Variants in ARHGEF4 observed in about 807,000 individuals in gnomAD.
ARHGEF4 encodes APC-stimulated guanine nucleotide exchange factor 1.
In ARHGEF4, 119 loss-of-function variants were observed where a neutral mutation model predicts 162.0. The observed-to-expected ratio is 0.73, with a 90% CI of 0.63 to 0.86. The LOEUF (loss-of-function observed/expected upper bound fraction) is 0.86, where lower values mean the gene tolerates loss of function less well. Among genes scored for constraint, ARHGEF4 ranks in the 40% least tolerant of loss-of-function variants. The probability of loss-of-function intolerance (pLI) is 0.00; values close to 1 mark genes in which losing one functional copy is unlikely to be tolerated. For missense variants in ARHGEF4, 2,488 were observed against 2,456.0 expected (o/e 1.01, Z -0.28); for synonymous variants, 1,014 against 979.9 (o/e 1.03, Z -0.65).
chr2:130,848,512 G>A (rs1681159964), intron 1 of ARHGEF4, among the ~76,000 whole-genome samples: 1 of 152,158 alleles, frequency 6.6e-6, no homozygotes, highest in Admixed American at 6.5e-5. Context: ...ACTGGCACTG[G>A]AAGCCCTCCC....
At position 130,914,986 on chromosome 2, in the gene ARHGEF4, G is replaced by A. The variant is rs1349451853; in HGVS notation, c.1040G>A (p.Cys347Tyr). The change falls in exon 2 of 14, where the codon TGC becomes TAC. Residue 347 changes from cysteine (C) to tyrosine (Y), a missense_variant. By Grantham distance (194) the Cys-to-Tyr change is radical. Around this residue, in one of 6 missense-constraint regions of ARHGEF4, gnomAD observed 1,642 missense variants for 1,481.5 expected, o/e 1.11. Transcript: ENST00000409359. ...TCCATAGCAGGGTTTTCACCAGAGT[G>A]CCCCGAGGATCCCGTGGGACAGAAT... ...AHSIAGFSPE[C>Y]PEDPVGQNVV... is the part of the protein sequence containing the mutation. 1.3e-6 allele frequency: 2 copies of A among 1,550,488 alleles called. No individual in the cohort carries two copies. The highest frequency in any genetic ancestry group is 2.7e-5 in the African/African-American group (2 of 73,052).
intron 3 of ARHGEF4, among the ~76,000 whole-genome samples, chr2:130,940,509 A>T (rs936862452): frequency 4.0e-5 from 6 of 151,454 alleles, no homozygotes; most frequent in Non-Finnish European, 8.8e-5. Flanking sequence ...GTTAGCCAGG[A>T]TGGTCTCGAT....
intron 4 of ARHGEF4, among the ~76,000 whole-genome samples, chr2:131,016,365 T>G (rs1340848107): frequency 6.6e-6 from 1 of 152,210 alleles, no homozygotes; most frequent in Non-Finnish European, 1.5e-5. Flanking sequence ...ATAAATACAT[T>G]TGAGTGAATT....
chr2:130,991,876 C>T (rs1481216959), intron 4 of ARHGEF4, among the ~76,000 whole-genome samples: 1 of 152,248 alleles, frequency 6.6e-6, no homozygotes, highest in East Asian at 1.9e-4. Context: ...AGCCCCGGTG[C>T]GGGATCCACT....
At chr2:130,993,572 G>A (rs1687190670) in intron 4 of ARHGEF4, among the ~76,000 whole-genome samples, 1 of 151,686 alleles carries the variant, frequency 6.6e-6, no homozygotes, top group African/African-American at 2.4e-5. Flanking sequence ...TTTTCTATTT[G>A]CTTTATGTAT....
At chr2:130,937,526 T>C (rs1388931738) in intron 3 of ARHGEF4, among the ~76,000 whole-genome samples, 1 of 152,196 alleles carries the variant, frequency 6.6e-6, no homozygotes, top group Admixed American at 6.6e-5. Flanking sequence ...GGTTTTTGTT[T>C]CACTTAGCTC....
chr2:130,946,456 A>C, intron 3 of ARHGEF4, 53 bp from the exon 4 acceptor site: 1 of 1,565,472 alleles, frequency 6.4e-7, no homozygotes, highest in South Asian at 1.2e-5. Flanking sequence ...TGGCAATGAC[A>C]GCCTGTCATT....
chr2:130,936,631 A>G (rs538888356), intron 3 of ARHGEF4, among the ~76,000 whole-genome samples: 1 of 152,188 alleles, frequency 6.6e-6, no homozygotes, highest in South Asian at 2.1e-4. Flanking sequence ...GTTTCTGAGG[A>G]GAAATCAGCT....
intron 1 of ARHGEF4, among the ~76,000 whole-genome samples, chr2:130,846,875 G>A (rs115593495): frequency 1.3e-5 from 2 of 152,236 alleles, no homozygotes; most frequent in Non-Finnish European, 2.9e-5. Context: ...TGTGGGCCCC[G>A]GGGGTCGAGT....
chr2:130,947,770 G>T (rs187315635), intron 4 of ARHGEF4, among the ~76,000 whole-genome samples: 1 of 152,296 alleles, frequency 6.6e-6, no homozygotes, highest in East Asian at 1.9e-4. Context: ...AACCCAGCAG[G>T]GCTGGACACG....
intron 4 of ARHGEF4, among the ~76,000 whole-genome samples, chr2:131,006,875 G>T (rs1688146273): frequency 2.0e-5 from 3 of 152,186 alleles, no homozygotes; most frequent in African/African-American, 7.2e-5. Context: ...AGGATAAAAT[G>T]GGGCCAAAAG....
chr2:130,961,221 A>G (rs1038936611), intron 4 of ARHGEF4, among the ~76,000 whole-genome samples: 1 of 152,194 alleles, frequency 6.6e-6, no homozygotes, highest in Admixed American at 6.5e-5. Context: ...GGACACAGTG[A>G]TGGGTAATGC....
chr2:130,856,680 A>G (rs1307025557), intron 1 of ARHGEF4, among the ~76,000 whole-genome samples: 1 of 152,272 alleles, frequency 6.6e-6, no homozygotes, highest in Non-Finnish European at 1.5e-5. Context: ...GACCTATAGC[A>G]TATAGGAGAT....
chr2:131,041,541 C>G lies in ARHGEF4; in HGVS notation c.4895+79C>G, dbSNP rs933369712. The G allele has an allele frequency of 6.4e-6, 9 of 1,406,042 alleles. No homozygotes were observed. In the Admixed American group the frequency reaches 8.2e-5, roughly 13 times the overall value. 87.1% of individuals were successfully genotyped at this position (1,406,042 alleles called of 1,614,324 possible). A position where few individuals can be genotyped will look rare whatever the true frequency, so the allele number is the denominator to read the frequency against. ...AGCCAGTTTGAGCATTAGCAGTGTG[C>G]TGGGCACTGCTGCAGCCCTGGGGCA... On this transcript the variant is annotated intron_variant, in intron 9 of 13. Transcript: ENST00000409359.
chr2:130,994,677 C>CT, intron 4 of ARHGEF4, among the ~76,000 whole-genome samples: 1 of 152,326 alleles, frequency 6.6e-6, no homozygotes, highest in Middle Eastern at 3.4e-3. Flanking sequence ...GGATCCTTCT[C>CT]TTTTCTGCCA....
At chr2:131,031,736 C>T (rs1025243825) in intron 5 of ARHGEF4, among the ~76,000 whole-genome samples, 2 of 152,192 alleles carry the variant, frequency 1.3e-5, no homozygotes, top group African/African-American at 4.8e-5. Context: ...CAGCACTGGC[C>T]CCTCTAGGGC....
At chr2:131,013,168 C>G (rs899972630) in intron 4 of ARHGEF4, among the ~76,000 whole-genome samples, 12 of 152,276 alleles carry the variant, frequency 7.9e-5, no homozygotes, top group African/African-American at 2.9e-4. Context: ...GGATAGAGGC[C>G]TGGTTGTCAG....
At chr2:130,888,387 C>T (rs1171695476) in intron 1 of ARHGEF4, among the ~76,000 whole-genome samples, 1 of 151,896 alleles carries the variant, frequency 6.6e-6, no homozygotes, top group East Asian at 1.9e-4. Context: ...AGGAGAATCA[C>T]CTGAACACCG....
intron 1 of ARHGEF4, among the ~76,000 whole-genome samples, chr2:130,895,069 C>A (rs928200435): frequency 3.3e-5 from 5 of 152,170 alleles, no homozygotes; most frequent in Admixed American, 2.6e-4. Context: ...TTAAAAAAGC[C>A]CTTGCCCTGC....
Sources: gnomAD v4.1 joint callset for allele counts (sites outside exome capture counted in the v4.1 genomes callset) on GRCh38, gnomAD v4.1.1 for gene constraint, gnomAD v4.1.1 regional missense constraint, MANE v1.5 for transcripts, NCBI Gene and HGNC (gene_info 2026-07-23, HGNC 2026-07-21) for gene names.